The following KPNA3 variants were observed in gnomAD, a reference collection of about 807,000 sequenced individuals.
KPNA3 encodes the protein karyopherin subunit alpha 3.
KPNA3 carries 13 observed loss-of-function variants against 73.8 expected under a neutral mutation model. The ratio of observed to expected loss-of-function variants is 0.18; its 90% CI spans 0.11 to 0.28. The LOEUF is 0.28. Ranked by LOEUF, KPNA3 falls within the 10% of genes least tolerant of loss-of-function variation. The pLI, the probability that KPNA3 is intolerant of heterozygous loss-of-function variation, is 1.00. For synonymous variants in KPNA3, 186 were observed against 206.9 expected (o/e 0.90, Z 0.87); for missense variants, 360 against 618.1 (o/e 0.58, Z 4.43).
chr13:49,745,573 G>A (rs1030944603), intron 2 of KPNA3, among the ~76,000 whole-genome samples: 2 of 151,722 alleles, frequency 1.3e-5, no homozygotes, highest in African/African-American at 4.8e-5. Flanking sequence ...GGCCAGGCTG[G>A]TCTCGAACTC....
intron 2 of KPNA3, among the ~76,000 whole-genome samples, 195 bp downstream of exon 2, chr13:49,746,754 A>G (rs567170878): frequency 6.6e-6 from 1 of 152,244 alleles, no homozygotes; most frequent in Non-Finnish European, 1.5e-5. Context: ...CAGTGATGGT[A>G]AAGTGCTTCA....
intron 10 of KPNA3, among the ~76,000 whole-genome samples, chr13:49,711,516 C>T (rs1025793091): frequency 6.6e-5 from 10 of 152,208 alleles, no homozygotes; most frequent in African/African-American, 2.4e-4. Context: ...AATGACTTGG[C>T]ACTTTAACTT....
At chr13:49,768,319 T>A (rs1167150989) in intron 1 of KPNA3, among the ~76,000 whole-genome samples, 2 of 150,182 alleles carry the variant, frequency 1.3e-5, no homozygotes, top group Non-Finnish European at 3.0e-5. Flanking sequence ...GAAGCCAATA[T>A]GCACTGTAGC....
chr13:49,774,801 C>T (rs569351850), intron 1 of KPNA3, among the ~76,000 whole-genome samples: 2 of 152,252 alleles, frequency 1.3e-5, no homozygotes, highest in Admixed American at 6.5e-5. Flanking sequence ...CTATGTCTAA[C>T]GTTATCAGAA....
intron 2 of KPNA3, among the ~76,000 whole-genome samples, chr13:49,742,158 T>C (rs1328494751): frequency 6.6e-6 from 1 of 152,226 alleles, no homozygotes; most frequent in African/African-American, 2.4e-5. Flanking sequence ...TGTCCTTTCC[T>C]GTGGCATGTT....
At chr13:49,762,036 C>G (rs1481184511) in intron 1 of KPNA3, among the ~76,000 whole-genome samples, 1 of 129,684 alleles carries the variant, frequency 7.7e-6, no homozygotes, top group Non-Finnish European at 1.7e-5. Context: ...GGAGCCCCTC[C>G]GCCCGGCAGC....
intron 1 of KPNA3, among the ~76,000 whole-genome samples, chr13:49,783,444 G>A (rs1430315499): frequency 3.3e-5 from 5 of 151,310 alleles, no homozygotes; most frequent in Admixed American, 6.6e-5. Flanking sequence ...CTGTATCCTC[G>A]GGGGGGTTGG....
intron 9 of KPNA3, among the ~76,000 whole-genome samples, chr13:49,720,466 T>C (rs894233389): frequency 2.0e-5 from 3 of 152,166 alleles, no homozygotes; most frequent in Admixed American, 6.6e-5. Context: ...ATTATAAAGA[T>C]ACACAGTTGG....
chr13:49,787,959 C>T (rs9526603), intron 1 of KPNA3, among the ~76,000 whole-genome samples: 3 of 152,214 alleles, frequency 2.0e-5, no homozygotes, highest in East Asian at 1.9e-4. Flanking sequence ...GGATTACAGG[C>T]GTTAGCCATT....
chr13:49,760,366 G>A (rs941235640), intron 1 of KPNA3, among the ~76,000 whole-genome samples: 3 of 138,716 alleles, frequency 2.2e-5, no homozygotes, highest in Non-Finnish European at 3.0e-5. Context: ...AGTGAGCCAA[G>A]ATCACACCAC....
At chr13:49,718,524 C>G (rs1055029106) in intron 10 of KPNA3, among the ~76,000 whole-genome samples, 1 of 152,186 alleles carries the variant, frequency 6.6e-6, no homozygotes, top group African/African-American at 2.4e-5. Context: ...CTGAGGCAAA[C>G]AGCAGATATT....
At chr13:49,710,839 GGT>G (rs1448665719) in intron 11 of KPNA3, 50 bp downstream of exon 11, 9 of 1,510,910 alleles carry the variant, frequency 6.0e-6, no homozygotes, top group Non-Finnish European at 8.2e-6. Context: ...CAAGTTAACT[GGT>G]TATAGCAAAC....
At chr13:49,754,375 T>C (rs891696104) in intron 1 of KPNA3, among the ~76,000 whole-genome samples, 1 of 151,944 alleles carries the variant, frequency 6.6e-6, no homozygotes, top group African/African-American at 2.4e-5. Flanking sequence ...GAAAAGGAAA[T>C]TGCATCACAT....
At chr13:49,718,055 C>T (rs1474143527) in intron 10 of KPNA3, among the ~76,000 whole-genome samples, 1 of 152,080 alleles carries the variant, frequency 6.6e-6, no homozygotes, top group Admixed American at 6.6e-5. Context: ...TGAAAAAGCA[C>T]AGGCCTTGGA....
chr13:49,774,365 TA>T (rs1237030337), intron 1 of KPNA3, among the ~76,000 whole-genome samples: 1 of 152,174 alleles, frequency 6.6e-6, no homozygotes, highest in Non-Finnish European at 1.5e-5. Flanking sequence ...GCAGCAGTCA[TA>T]ACTAGGGGTC....
At position 49,722,028 on chromosome 13, in the gene KPNA3, C is replaced by T. The variant is rs1421586817; in HGVS notation, c.653G>A (p.Arg218Gln). 3 of 1,611,472 alleles carry T rather than the reference C, an allele frequency of 1.9e-6. No homozygotes were observed. The highest frequency in any genetic ancestry group is 1.7e-5 in the Admixed American group (1 of 59,876). ...ATTGACAATGACCCATGTGACGTTC[C>T]GAAGGAAGGTGATGGGGATGGAGGG... Reference protein sequence around the residue: ...ISPSIPITFLRNVTWVIVNLC... With the variant: ...ISPSIPITFLQNVTWVIVNLC... The change falls in exon 9 of 17, where the codon CGG becomes CAG. Residue 218 changes from arginine to glutamine, a missense_variant. By Grantham distance (43) the Arg-to-Gln change is conservative. Coordinates refer to ENST00000261667, the MANE Select transcript of KPNA3 (RefSeq NM_002267.4).
At chr13:49,778,764 T>C (rs892273304) in intron 1 of KPNA3, among the ~76,000 whole-genome samples, 1 of 152,126 alleles carries the variant, frequency 6.6e-6, no homozygotes, top group East Asian at 1.9e-4. Flanking sequence ...TGAACCACCA[T>C]GCTTGCCTAC....
At chr13:49,730,291 G>C (rs997527045) in intron 6 of KPNA3, among the ~76,000 whole-genome samples, 13 of 152,004 alleles carry the variant, frequency 8.6e-5, no homozygotes, top group Non-Finnish European at 1.9e-4. Flanking sequence ...TCTGCACTTT[G>C]GGAGGCTAAG....
Position 49,756,910 on chromosome 13 carries a change from C to T in KPNA3, c.70-9917G>A, listed in dbSNP as rs541245751. 1.7e-4 allele frequency among the ~76,000 whole-genome samples: 26 copies of T among 152,176 alleles called. No homozygotes were observed. In the East Asian group the frequency reaches 1.7e-3, roughly 10 times the overall value. Reference sequence around the variant, plus strand: ...CAATATAAGCCTACACAAATATATCCAACTGATTTTTTACAAAGGTGCAAA... The same window carrying T: ...CAATATAAGCCTACACAAATATATCTAACTGATTTTTTACAAAGGTGCAAA... On this transcript the variant is annotated intron_variant, in intron 1 of 16. Coordinates refer to ENST00000261667, the MANE Select transcript of KPNA3 (RefSeq NM_002267.4).
Sources: allele counts gnomAD v4.1 joint callset (sites outside exome capture counted in the v4.1 genomes callset), GRCh38; gene constraint gnomAD v4.1.1; transcripts MANE v1.5; gene names NCBI Gene and HGNC (gene_info 2026-07-23, HGNC 2026-07-21).